Variants in NTRK3 observed in about 807,000 individuals in gnomAD.
The protein encoded by NTRK3 is NT-3 growth factor receptor.
NTRK3 carries 24 observed loss-of-function variants against 91.7 expected under a neutral mutation model. That is an observed-to-expected ratio of 0.26 (90% confidence interval 0.19 to 0.37). NTRK3 has a LOEUF of 0.37. Ranked by LOEUF, NTRK3 falls within the 10% of genes least tolerant of loss-of-function variation. The pLI is 1.00. For synonymous variants in NTRK3, 483 were observed against 404.0 expected, an observed-to-expected ratio of 1.20 and a Z score of -2.34; for missense variants, 880 against 1,068.9, an observed-to-expected ratio of 0.82 and a Z score of 2.46.
chr15:88,085,856 A>C (rs540092742), intron 13 of NTRK3, among the ~76,000 whole-genome samples: 1 of 152,354 alleles, frequency 6.6e-6, no homozygotes, highest in South Asian at 2.1e-4. Context: ...AATGCTGGCC[A>C]ATAGGGATAC....
intron 3 of NTRK3, among the ~76,000 whole-genome samples, chr15:88,192,706 T>TC (rs2151687373): frequency 6.6e-6 from 1 of 152,256 alleles, no homozygotes; most frequent in South Asian, 2.1e-4. Flanking sequence ...TTTTGTGGGC[T>TC]CCAGTCACAC....
At chr15:88,239,312 A>T (rs1226218493) in intron 3 of NTRK3, among the ~76,000 whole-genome samples, 3 of 152,212 alleles carry the variant, frequency 2.0e-5, no homozygotes, top group Non-Finnish European at 2.9e-5. Context: ...CATGGGGAAT[A>T]ACGAGAGGCA....
At chr15:88,177,738 G>A (rs2046126320) in intron 5 of NTRK3, among the ~76,000 whole-genome samples, 1 of 152,224 alleles carries the variant, frequency 6.6e-6, no homozygotes, top group African/African-American at 2.4e-5. Context: ...ACAAATTTGG[G>A]AGTTGGTTCT....
chr15:87,903,051 C>T (rs868703898), intron 17 of NTRK3, among the ~76,000 whole-genome samples: 19 of 152,154 alleles, frequency 1.2e-4, no homozygotes, highest in African/African-American at 2.4e-4. Context: ...GCATTTGCCC[C>T]GGTGCCAGGA....
At chr15:88,183,012 A>ACCCT (rs2046632259) in intron 5 of NTRK3, among the ~76,000 whole-genome samples, 1 of 119,882 alleles carries the variant, frequency 8.3e-6, no homozygotes, top group Admixed American at 8.6e-5. Context: ...TCTTCTTGCA[A>ACCCT]CCCCCCCCCG....
intron 3 of NTRK3, among the ~76,000 whole-genome samples, chr15:88,219,783 C>T (rs2050086730): frequency 6.6e-6 from 1 of 152,212 alleles, no homozygotes; most frequent in African/African-American, 2.4e-5. Flanking sequence ...GAGTGCCAGG[C>T]CCTGCACTGA....
chr15:88,056,134 T>G (rs1358885025), intron 13 of NTRK3, among the ~76,000 whole-genome samples: 4 of 148,626 alleles, frequency 2.7e-5, no homozygotes, highest in African/African-American at 9.9e-5. Context: ...ACAAATCAGT[T>G]AGGACAACGT....
intron 13 of NTRK3, chr15:88,099,356 G>A (rs1010459355): frequency 4.1e-5 from 8 of 196,898 alleles, no homozygotes; most frequent in Non-Finnish European, 6.3e-5. Context: ...AAGAGAGAAG[G>A]TGCTTTGGCT....
exon 19 of NTRK3, chr15:87,875,781 TGGCAGTG>T: frequency 4.3e-6 from 1 of 232,634 alleles, no homozygotes; most frequent in Non-Finnish European, 8.5e-6. Flanking sequence ...CTCCCTTCCT[TGGCAGTG>T]GGGTTTACCT....
At chr15:88,170,820 A>G (rs974192238) in intron 5 of NTRK3, among the ~76,000 whole-genome samples, 1 of 152,034 alleles carries the variant, frequency 6.6e-6, no homozygotes, top group South Asian at 2.1e-4. Flanking sequence ...CCTAAGCCCA[A>G]CCCCAGGCAA....
At chr15:88,095,792 C>T (rs958826705) in intron 13 of NTRK3, among the ~76,000 whole-genome samples, 2 of 152,100 alleles carry the variant, frequency 1.3e-5, no homozygotes, top group South Asian at 2.1e-4. Context: ...TATACAGCCA[C>T]AAGAAGTTGC....
At chr15:87,946,740 T>C (rs2070549222) in intron 14 of NTRK3, among the ~76,000 whole-genome samples, 4 of 152,192 alleles carry the variant, frequency 2.6e-5, no homozygotes, top group Non-Finnish European at 5.9e-5. Context: ...CGCTCTGCAC[T>C]GCTCCTTTAG....
chr15:87,986,740 A>T (rs150857092), intron 14 of NTRK3, among the ~76,000 whole-genome samples: 1 of 152,234 alleles, frequency 6.6e-6, no homozygotes, highest in Non-Finnish European at 1.5e-5. Flanking sequence ...CAATATTATT[A>T]CACACATATC....
chr15:87,962,745 C>A (rs1256327215), intron 14 of NTRK3, among the ~76,000 whole-genome samples: 1 of 152,136 alleles, frequency 6.6e-6, no homozygotes. Context: ...CCAAGGACGC[C>A]GCCTGCTTAA....
At chr15:88,026,545 T>C (rs1483623542) in intron 14 of NTRK3, among the ~76,000 whole-genome samples, 1 of 152,156 alleles carries the variant, frequency 6.6e-6, no homozygotes, top group Non-Finnish European at 1.5e-5. Context: ...CTGTCTGACA[T>C]TGTCATGGTG....
At chr15:87,943,025 T>A (rs1280615428) in intron 14 of NTRK3, among the ~76,000 whole-genome samples, 4 of 152,056 alleles carry the variant, frequency 2.6e-5, no homozygotes, top group African/African-American at 9.7e-5. Context: ...CCACCTTTCC[T>A]CTGCATTGTA....
At chr15:88,050,207 G>C (rs2080684295) in intron 13 of NTRK3, among the ~76,000 whole-genome samples, 2 of 152,056 alleles carry the variant, frequency 1.3e-5, no homozygotes, top group Admixed American at 1.3e-4. Context: ...CCCTATTGTT[G>C]GCATGAATTC....
At chr15:87,894,472 A>C (rs1252478632) in intron 17 of NTRK3, among the ~76,000 whole-genome samples, 1 of 152,200 alleles carries the variant, frequency 6.6e-6, no homozygotes, top group African/African-American at 2.4e-5. Flanking sequence ...TCATAGATAC[A>C]GACCTGGGCC....
chr15:88,136,166 G>T, intron 8 of NTRK3, 126 bp from the exon 9 acceptor site: 2 of 1,248,130 alleles, frequency 1.6e-6, no homozygotes, highest in Non-Finnish European at 2.3e-6. Flanking sequence ...ATCTTTGTGT[G>T]AAAGCACACT....
Sources: gnomAD v4.1 joint callset for allele counts (sites outside exome capture counted in the v4.1 genomes callset) on GRCh38, gnomAD v4.1.1 for gene constraint, MANE v1.5 for transcripts, NCBI Gene and HGNC (gene_info 2026-07-23, HGNC 2026-07-21) for gene names.